ZNF75D: variants seen among roughly 807,000 people sequenced by gnomAD.
ZNF75D encodes zinc finger protein 75D, also known as zinc finger protein 75.
ZNF75D carries 33 observed loss-of-function variants against 33.3 expected under a neutral mutation model. That is an observed-to-expected ratio of 0.99 (90% confidence interval 0.75 to 1.32). ZNF75D has a LOEUF of 1.32. Among genes scored for constraint, ZNF75D ranks in the 40% most tolerant of loss-of-function variants. The probability of loss-of-function intolerance (pLI) is 0.00; values close to 1 mark genes in which losing one functional copy is unlikely to be tolerated. For missense variants in ZNF75D, 338 were observed against 367.5 expected (o/e 0.92, Z 0.66); for synonymous variants, 113 against 130.6 (o/e 0.87, Z 0.92).
At chrX:135,313,102 G>C (rs1047762351) in intron 1 of ZNF75D, among the ~76,000 whole-genome samples, 2 of 111,383 alleles carry the variant, frequency 1.8e-5, no homozygotes, top group Admixed American at 9.5e-5. Flanking sequence ...TTTTCCCTAT[G>C]TTTTCTTCTA....
intron 1 of ZNF75D, among the ~76,000 whole-genome samples, chrX:135,336,643 A>C (rs2084715754): frequency 9.0e-6 from 1 of 111,494 alleles, no homozygotes; most frequent in South Asian, 3.8e-4. Context: ...CCCTAGCCCT[A>C]CTCCTAGCCC....
intron 1 of ZNF75D, among the ~76,000 whole-genome samples, chrX:135,262,871 G>A (rs1377081363): frequency 1.8e-5 from 2 of 112,388 alleles, no homozygotes; most frequent in African/African-American, 6.5e-5. Flanking sequence ...AGGAGAAGAG[G>A]TGCTCTGAGT....
At chrX:135,330,482 G>A (rs976401659) in intron 1 of ZNF75D, 2 of 112,041 alleles carry the variant, frequency 1.8e-5, no homozygotes, top group African/African-American at 6.5e-5. Flanking sequence ...TCAGGAGGAA[G>A]GCAGATGAAT....
In ZNF75D at chrX:135,316,889, T is replaced by C. The variant is rs189113808; in HGVS notation, c.-390-20850A>G. On this transcript the variant is annotated intron_variant, in intron 1 of 6. Transcript: ENST00000370766. Reference sequence around the variant, plus strand: ...TGTTTTCCTGATTTCTTTTTATCATTTTTTAGAATTTTCTTCTATCTCACT... The same window carrying C: ...TGTTTTCCTGATTTCTTTTTATCATCTTTTAGAATTTTCTTCTATCTCACT... Among the ~76,000 whole-genome samples, 493 of 110,847 alleles carry C rather than the reference T, an allele frequency of 4.4e-3. 4 individuals carry two copies. Among genetic ancestry groups the C allele is most frequent in the African/African-American group, 0.016 (473 of 30,515 alleles).
At chrX:135,268,637 T>G (rs1303352103) in intron 1 of ZNF75D, among the ~76,000 whole-genome samples, 5 of 111,057 alleles carry the variant, frequency 4.5e-5, no homozygotes, top group African/African-American at 1.6e-4. Flanking sequence ...GTTCATGGAT[T>G]GGAAGAATAA....
chrX:135,291,125 G>A lies in ZNF75D; in HGVS notation c.707C>T (p.Thr236Ile), dbSNP rs782700507. 32 of 1,210,116 alleles carry A rather than the reference G, an allele frequency of 2.6e-5. No individual in the cohort carries two copies. The highest frequency in any genetic ancestry group is 3.5e-5 in the Non-Finnish European group (31 of 895,023). Residue 236 changes from threonine (T) to isoleucine (I), a missense_variant, in exon 6 of 7, where the codon ACA (threonine) becomes ATA (isoleucine). By Grantham distance (89) the Thr-to-Ile change is moderately conservative (BLOSUM62 -1). Around this residue, in one of 3 missense-constraint regions of ZNF75D, gnomAD observed 254 missense variants for 267.7 expected, o/e 0.95. Coordinates refer to ENST00000370766, the MANE Select transcript of ZNF75D (RefSeq NM_007131.5). Reference sequence around the variant, plus strand: ...AAAATACACAGCCACATCTTCAAATGTCAACAAACTCTAAAGAAGAGAATG... The same window carrying A: ...AAAATACACAGCCACATCTTCAAATATCAACAAACTCTAAAGAAGAGAATG... ...LILPESLSLL[T>I]FEDVAVYFSE... is the part of the protein sequence containing the mutation.
Position 135,287,371 on chromosome X carries a change from G to A in ZNF75D, c.1299C>T (p.Asn433=). 8.3e-7 allele frequency: 1 copy of A among 1,211,432 alleles called. No individual in the cohort carries two copies. The highest frequency in any genetic ancestry group is 1.1e-6 in the Non-Finnish European group (1 of 895,063). ...CSWCGKSFSH[N]TNLHTHQRIH... ...TTCTTTGGTGTGTGTGTAGATTTGT[G>A]TTATGACTAAAGCTTTTCCCACACC... is the stretch of plus-strand genomic sequence containing the variant. The change falls in exon 7 of 7, where the codon AAC becomes AAT. Residue 433 remains asparagine, a synonymous_variant. Transcript: ENST00000370766.
At chrX:135,270,233 A>G (rs781914021) in intron 1 of ZNF75D, among the ~76,000 whole-genome samples, 28 of 107,305 alleles carry the variant, frequency 2.6e-4, no homozygotes, top group Non-Finnish European at 5.0e-4. Context: ...TACATTTTAA[A>G]ATAACTAAAA....
chrX:135,304,869 C>T (rs372870985), intron 1 of ZNF75D, among the ~76,000 whole-genome samples: 2 of 112,548 alleles, frequency 1.8e-5, no homozygotes, highest in Middle Eastern at 4.2e-3. Context: ...TCTGGCCCTG[C>T]GGAGCTATGT....
chrX:135,290,693 TTAA>T (rs1278205784), intron 6 of ZNF75D, among the ~76,000 whole-genome samples: 18 of 112,900 alleles, frequency 1.6e-4, no homozygotes, highest in African/African-American at 5.5e-4. Flanking sequence ...AGATTAGTTA[TTAA>T]TTTTTCTGTG....
chrX:135,270,726 C>T (rs1556416872), intron 1 of ZNF75D, among the ~76,000 whole-genome samples: 6 of 110,675 alleles, frequency 5.4e-5, no homozygotes. Flanking sequence ...ACAAGCCAAA[C>T]TCCCCATGGT....
At chrX:135,306,901 T>A (rs1383669692) in intron 1 of ZNF75D, among the ~76,000 whole-genome samples, 3 of 111,497 alleles carry the variant, frequency 2.7e-5, no homozygotes, top group African/African-American at 9.8e-5. Flanking sequence ...ATTTTAGAGA[T>A]GGGGTCTCCG....
At chrX:135,274,249 C>T (rs782247059) in intron 1 of ZNF75D, among the ~76,000 whole-genome samples, 5 of 111,951 alleles carry the variant, frequency 4.5e-5, no homozygotes, top group African/African-American at 1.3e-4. Context: ...ACTAAGTCTA[C>T]GCAATTTTCA....
Position 135,295,899 on chromosome X carries a change from C to G in ZNF75D, c.-250G>C, listed in dbSNP as rs1221319797. 9.0e-6 allele frequency: 1 copy of G among 111,367 alleles called. No individual in the cohort carries two copies. Among genetic ancestry groups the G allele is most frequent in the African/African-American group, 3.3e-5 (1 of 30,592 alleles). The allele number at this position is 111,367 out of a possible 1,213,427, so 9.2% of individuals were successfully genotyped here. Reference sequence around the variant, plus strand: ...TCCGCTGCTGCACCACTAGGGGAAGCGACGTCAGGAAAGCGCGGGATGCCT... The same window carrying G: ...TCCGCTGCTGCACCACTAGGGGAAGGGACGTCAGGAAAGCGCGGGATGCCT... On this transcript the variant is annotated 5_prime_UTR_variant, in exon 2 of 7. Coordinates refer to ENST00000370766, the MANE Select transcript of ZNF75D (RefSeq NM_007131.5).
chrX:135,267,267 CATAA>C (rs781853298), intron 1 of ZNF75D, among the ~76,000 whole-genome samples: 54 of 111,199 alleles, frequency 4.9e-4, no homozygotes, highest in Non-Finnish European at 7.8e-4. Flanking sequence ...AAAAGCAGAG[CATAA>C]ATAAACGAAT....
chrX:135,260,908 T>C (rs1284457654), intron 1 of ZNF75D, among the ~76,000 whole-genome samples: 11 of 112,439 alleles, frequency 9.8e-5, no homozygotes, highest in Non-Finnish European at 7.5e-5. Flanking sequence ...CGATTTTATC[T>C]TTCCTGCTTT....
chrX:135,297,241 C>A (rs1316320161), intron 1 of ZNF75D: 1 of 111,872 alleles, frequency 8.9e-6, no homozygotes, highest in Non-Finnish European at 1.9e-5. Context: ...CTGTTTGATT[C>A]TATATATAAA....
chrX:135,340,000 G>C (rs181610689), intron 1 of ZNF75D, among the ~76,000 whole-genome samples: 3 of 112,737 alleles, frequency 2.7e-5, no homozygotes, highest in East Asian at 2.8e-4. Flanking sequence ...CCAATGAAGA[G>C]AGACAAATTC....
At chrX:135,273,528 C>T (rs2083890215) in intron 1 of ZNF75D, among the ~76,000 whole-genome samples, 1 of 110,991 alleles carries the variant, frequency 9.0e-6, no homozygotes, top group Non-Finnish European at 1.9e-5. Context: ...CTTATCAAAT[C>T]ATAAGGATGC....
Sources: allele counts gnomAD v4.1 joint callset (sites outside exome capture counted in the v4.1 genomes callset), GRCh38; gene constraint gnomAD v4.1.1; regional missense constraint gnomAD v4.1.1; transcripts MANE v1.5; gene names NCBI Gene and HGNC (gene_info 2026-07-23, HGNC 2026-07-21).